The following NBAS variants were observed in gnomAD, a reference collection of about 807,000 sequenced individuals.
The protein encoded by NBAS is NBAS subunit of NRZ tethering complex.
In NBAS, 219 loss-of-function variants were observed where a neutral mutation model predicts 302.5. The ratio of observed to expected loss-of-function variants is 0.72; its 90% CI spans 0.65 to 0.81. The LOEUF (loss-of-function observed/expected upper bound fraction) is 0.81. Among genes scored for constraint, NBAS ranks in the 30% least tolerant of loss-of-function variants. The probability of loss-of-function intolerance (pLI) is 0.00; values close to 1 mark genes in which losing one functional copy is unlikely to be tolerated. For synonymous variants in NBAS, 1,118 were observed against 1,021.6 expected, an observed-to-expected ratio of 1.09 and a Z score of -1.80; for missense variants, 2,932 against 2,841.6, an observed-to-expected ratio of 1.03 and a Z score of -0.72.
the NBAS span, among the ~76,000 whole-genome samples, chr2:14,955,922 C>T: frequency 6.6e-6 from 1 of 152,204 alleles, no homozygotes; most frequent in Non-Finnish European, 1.5e-5. Context: ...CCTTTGGCTC[C>T]TTGTTACTTA....
rs760087517 is a variant in NBAS, at chr2:15,504,179, C to A, written c.920G>T (p.Ser307Ile). 4 of 1,613,382 alleles carry A rather than the reference C, an allele frequency of 2.5e-6. No individual in the cohort carries two copies. The Admixed American group carries it at 5.0e-5, about 20-fold the overall frequency. The change falls in exon 11 of 52, where the codon AGT becomes ATT. Residue 307 changes from serine to isoleucine, a missense_variant. Coordinates refer to ENST00000281513, the MANE Select transcript of NBAS (RefSeq NM_015909.4). ...TCCCTGGCGACTGTAAAACTTGACA[C>A]TTAACATCCTTAATAATCCCAGTGT... ...PKTLGLLRML[S>I]VKFYSRQGQE... is the part of the protein sequence containing the mutation.
the NBAS span, among the ~76,000 whole-genome samples, chr2:15,154,004 T>G: frequency 6.6e-6 from 1 of 152,218 alleles, no homozygotes; most frequent in Non-Finnish European, 1.5e-5. Flanking sequence ...ATGCTGGCAC[T>G]CTGAAGCCTA....
At chr2:15,073,600 C>T in the NBAS span, among the ~76,000 whole-genome samples, 1 of 151,884 alleles carries the variant, frequency 6.6e-6, no homozygotes, top group African/African-American at 2.4e-5. Flanking sequence ...GTGCTTATCA[C>T]TTCCATGCAT....
the NBAS span, among the ~76,000 whole-genome samples, chr2:14,795,687 A>G: frequency 6.6e-6 from 1 of 152,212 alleles, no homozygotes; most frequent in East Asian, 1.9e-4. Context: ...TGGACTGGAT[A>G]AATCGTTGCT....
the NBAS span, among the ~76,000 whole-genome samples, chr2:14,952,996 T>C: frequency 6.6e-6 from 1 of 152,010 alleles, no homozygotes; most frequent in Non-Finnish European, 1.5e-5. Context: ...GATGGAGAGG[T>C]AGCAGTTCAC....
intron 46 of NBAS, 149 bp from the exon 47 acceptor site, chr2:15,232,660 T>G (rs1667428942): frequency 1.3e-5 from 9 of 713,354 alleles, no homozygotes; most frequent in Non-Finnish European, 7.3e-6. Flanking sequence ...TGTCTACAAA[T>G]GTACGAAGCC....
At chr2:14,997,420 C>T in the NBAS span, among the ~76,000 whole-genome samples, 3 of 151,244 alleles carry the variant, frequency 2.0e-5, no homozygotes, top group Admixed American at 2.0e-4. Context: ...TCAACATTTG[C>T]CCAGCACTGA....
At chr2:15,292,835 G>A (rs193144154) in intron 40 of NBAS, 69 bp from the exon 41 acceptor site, 100 of 1,419,436 alleles carry the variant, frequency 7.0e-5, no homozygotes, top group Admixed American at 1.0e-4. Context: ...AGTAACAAAT[G>A]GAAGAAGACC....
At chr2:15,546,346 A>T (rs149428264) in intron 6 of NBAS, among the ~76,000 whole-genome samples, 146 of 152,292 alleles carry the variant, frequency 9.6e-4, no homozygotes, top group African/African-American at 3.4e-3. Flanking sequence ...AAATTACTTC[A>T]TCTAAACTTC....
At chr2:15,146,750 C>T in the NBAS span, among the ~76,000 whole-genome samples, 1 of 152,100 alleles carries the variant, frequency 6.6e-6, no homozygotes, top group African/African-American at 2.4e-5. Flanking sequence ...GGCCCCTATC[C>T]CCGTGGGCCA....
Position 15,266,900 on chromosome 2 carries a change from G to A in NBAS, c.5724+8584C>T, listed in dbSNP as rs140341990. ...AGATAGCTGTCCACAGCTCAACTTGGATGTTTGAAAGCCATATCAATCTTT... is the reference window on the plus strand; with the variant it reads ...AGATAGCTGTCCACAGCTCAACTTGAATGTTTGAAAGCCATATCAATCTTT... On this transcript the variant is annotated intron_variant, in intron 44 of 51. Coordinates refer to ENST00000281513, the MANE Select transcript of NBAS (RefSeq NM_015909.4). 2.6e-3 allele frequency among the ~76,000 whole-genome samples: 389 copies of A among 152,220 alleles called. 2 individuals are homozygous for A. Among genetic ancestry groups the A allele is most frequent in the African/African-American group, 8.8e-3 (367 of 41,546 alleles).
intron 38 of NBAS, among the ~76,000 whole-genome samples, chr2:15,324,525 G>A (rs1558535194): frequency 6.6e-6 from 1 of 151,946 alleles, no homozygotes; most frequent in African/African-American, 2.4e-5. Context: ...TCAAATATCG[G>A]CTGCTTCAGA....
chr2:15,317,187 A>C (rs1034829950), intron 38 of NBAS, among the ~76,000 whole-genome samples: 3 of 152,208 alleles, frequency 2.0e-5, no homozygotes, highest in African/African-American at 7.2e-5. Flanking sequence ...TAACAAACAG[A>C]AAGGAATCGC....
In NBAS at chr2:15,292,815, C is replaced by G. The variant is rs759424629; in HGVS notation, c.4798-49G>C. On this transcript the variant is annotated intron_variant, in intron 40 of 51. Transcript: ENST00000281513. ...ACATTTTACCAACATCATACAAACA[C>G]GAGCAAGTGAGTAACAAATGGAAGA... 7.1e-6 allele frequency: 11 copies of G among 1,545,124 alleles called. No individual in the cohort carries two copies. The South Asian group carries it at 1.0e-4, about 14-fold the overall frequency.
the NBAS span, among the ~76,000 whole-genome samples, chr2:15,134,603 A>G: frequency 6.6e-6 from 1 of 152,198 alleles, no homozygotes; most frequent in South Asian, 2.1e-4. Context: ...ATGAAAGCTG[A>G]TGTCTTTGTA....
intron 25 of NBAS, among the ~76,000 whole-genome samples, chr2:15,411,533 T>C (rs1676685636): frequency 6.6e-6 from 1 of 152,206 alleles, no homozygotes; most frequent in East Asian, 1.9e-4. Flanking sequence ...TATTCATCTT[T>C]ATATTTTTTG....
chr2:14,870,727 T>A, the NBAS span, among the ~76,000 whole-genome samples: 2 of 151,674 alleles, frequency 1.3e-5, no homozygotes, highest in African/African-American at 4.8e-5. Flanking sequence ...ATTTTGGGCA[T>A]CCAATAAAAA....
chr2:15,316,102 A>T (rs1349186045), intron 38 of NBAS, among the ~76,000 whole-genome samples: 2 of 152,218 alleles, frequency 1.3e-5, no homozygotes, highest in Admixed American at 6.5e-5. Flanking sequence ...TTAAACATAA[A>T]AAATAAATAA....
intron 34 of NBAS, among the ~76,000 whole-genome samples, chr2:15,352,750 TCCA>T (rs1220134002): frequency 6.6e-6 from 1 of 152,134 alleles, no homozygotes; most frequent in Admixed American, 6.5e-5. Flanking sequence ...CCAGTGAAAC[TCCA>T]CCATTTTGCC....
Sources: gnomAD v4.1 joint callset for allele counts (sites outside exome capture counted in the v4.1 genomes callset) on GRCh38, gnomAD v4.1.1 for gene constraint, MANE v1.5 for transcripts, NCBI Gene and HGNC (gene_info 2026-07-23, HGNC 2026-07-21) for gene names.